CNTN1: variants seen among roughly 807,000 people sequenced by gnomAD.
The protein encoded by CNTN1 is contactin 1.
CNTN1 carries 38 observed loss-of-function variants against 126.4 expected under a neutral mutation model. That is an observed-to-expected ratio of 0.30 (90% CI 0.23 to 0.39). CNTN1 has a LOEUF of 0.39. Among genes scored for constraint, CNTN1 ranks in the 10% least tolerant of loss-of-function variants. The pLI is 1.00. For missense variants in CNTN1, 1,009 were observed against 1,248.4 expected (o/e 0.81, Z 2.89); for synonymous variants, 413 against 422.6 (o/e 0.98, Z 0.28).
At chr12:40,844,069 A>ATTTTTTTTTTTTTTTTTTTTTTT (rs397957366) in intron 1 of CNTN1, among the ~76,000 whole-genome samples, 5,521 of 84,120 alleles carry the variant, frequency 0.066, 1,642 homozygotes, top group East Asian at 0.14. Context: ...TGGCACAATG[A>ATTTTTTTTTTTTTTTTTTTTTTT]TTTTTTTTTT....
intron 1 of CNTN1, among the ~76,000 whole-genome samples, chr12:40,855,745 G>A (rs569762228): frequency 3.3e-5 from 5 of 152,030 alleles, no homozygotes; most frequent in South Asian, 4.1e-4. Context: ...TGTAACAGAC[G>A]GGCTTTTAAA....
intron 1 of CNTN1, among the ~76,000 whole-genome samples, chr12:40,721,337 C>T (rs1458498003): frequency 1.3e-5 from 2 of 152,046 alleles, no homozygotes; most frequent in Non-Finnish European, 2.9e-5. Flanking sequence ...GCAGGACCAC[C>T]TCCTTTTTTT....
chr12:40,732,956 A>C (rs1298968666), intron 1 of CNTN1, among the ~76,000 whole-genome samples: 1 of 152,004 alleles, frequency 6.6e-6, no homozygotes, highest in Non-Finnish European at 1.5e-5. Context: ...TGCAAAAGTT[A>C]CAACTGCCTT....
At chr12:40,726,694 C>A (rs376122722) in intron 1 of CNTN1, among the ~76,000 whole-genome samples, 2 of 152,018 alleles carry the variant, frequency 1.3e-5, no homozygotes, top group South Asian at 2.1e-4. Flanking sequence ...TTCAACAATT[C>A]TTTTCTTTTT....
Position 40,943,921 on chromosome 12 carries a change from T to C in CNTN1, c.1508-74T>C, listed in dbSNP as rs1946347237. Reference sequence around the variant, plus strand: ...TTTGCACAAATAAAAATATATTGGTTATTATTTTAATATACCAGATAATAT... The same window carrying C: ...TTTGCACAAATAAAAATATATTGGTCATTATTTTAATATACCAGATAATAT... On this transcript the variant is annotated intron_variant, in intron 13 of 23. Coordinates refer to ENST00000551295, the MANE Select transcript of CNTN1 (RefSeq NM_001843.4). 2.9e-5 allele frequency: 41 copies of C among 1,428,568 alleles called. 2 individuals carry two copies. In the South Asian group the frequency reaches 5.1e-4, roughly 18 times the overall value. The allele number at this position is 1,428,568 out of a possible 1,614,324, so 88.5% of individuals were successfully genotyped here.
At chr12:40,948,720 ATT>A (rs1368091925) in intron 14 of CNTN1, among the ~76,000 whole-genome samples, 1 of 152,188 alleles carries the variant, frequency 6.6e-6, no homozygotes, top group African/African-American at 2.4e-5. Flanking sequence ...TCCCATAAGT[ATT>A]TGATGCTCTA....
rs188138389 is a variant in CNTN1 at position 41,070,280 on chromosome 12, C to G, written c.*245C>G. The G allele has an allele frequency of 4.0e-4, 213 of 535,086 alleles. No individual in the cohort carries two copies. The highest frequency in any genetic ancestry group is 4.1e-4 in the Non-Finnish European group (121 of 296,662). The allele number at this position is 535,086 out of a possible 1,614,324, so 33.1% of individuals were successfully genotyped here. A position where few individuals can be genotyped will look rare whatever the true frequency, so the allele number is the denominator to read the frequency against. On this transcript the variant is annotated 3_prime_UTR_variant, in exon 24 of 24. Coordinates refer to ENST00000551295, the MANE Select transcript of CNTN1 (RefSeq NM_001843.4). Reference sequence around the variant, plus strand: ...ACTCGTTCCAATATGCCTTATAAACCACTTAACCTGATTCTGTGACAGTTG... The same window carrying G: ...ACTCGTTCCAATATGCCTTATAAACGACTTAACCTGATTCTGTGACAGTTG...
In CNTN1 at chr12:40,944,890, C is replaced by A. The variant is rs185087489; in HGVS notation, c.1683+720C>A. On this transcript the variant is annotated intron_variant, in intron 14 of 23. Coordinates refer to ENST00000551295, the MANE Select transcript of CNTN1 (RefSeq NM_001843.4). ...TTTAGAAAAGCAAACATTTGTAAGA[C>A]TAAGGACATATTTAGAACATAGGCA... Among the ~76,000 whole-genome samples the A allele has an allele frequency of 2.2e-3, 335 of 152,022 alleles. 3 individuals are homozygous for A. Among genetic ancestry groups the A allele is most frequent in the Non-Finnish European group, 7.2e-4 (49 of 67,936 alleles).
intron 17 of CNTN1, among the ~76,000 whole-genome samples, chr12:41,010,440 G>T (rs1948617626): frequency 6.6e-6 from 1 of 152,152 alleles, no homozygotes; most frequent in Non-Finnish European, 1.5e-5. Flanking sequence ...TTGTATGTTT[G>T]CAGAGCAGCT....
intron 1 of CNTN1, among the ~76,000 whole-genome samples, chr12:40,757,749 A>C (rs1938668667): frequency 6.6e-6 from 1 of 152,156 alleles, no homozygotes; most frequent in Admixed American, 6.6e-5. Flanking sequence ...GGTGAGCATG[A>C]ATTGAAAATC....
rs977008901 is a variant in CNTN1, at chr12:40,846,692, T to G, written c.-76-61665T>G. ...AGTCTTTTTCTTTCTAATTTAAATTTTTGTTGTTGTTGCTGCTGAGGCAGA... is the reference window on the plus strand; with the variant it reads ...AGTCTTTTTCTTTCTAATTTAAATTGTTGTTGTTGTTGCTGCTGAGGCAGA... On this transcript the variant is annotated intron_variant, in intron 1 of 23. Transcript: ENST00000551295. Among the ~76,000 whole-genome samples the G allele has an allele frequency of 5.2e-5, 5 of 96,678 alleles. No individual in the cohort carries two copies. The East Asian group carries it at 2.0e-3, about 39-fold the overall frequency. The allele number at this position is 96,678 out of a possible 152,430, so 63.4% of individuals were successfully genotyped here.
intron 1 of CNTN1, among the ~76,000 whole-genome samples, chr12:40,875,471 T>C (rs1341097115): frequency 6.6e-6 from 1 of 152,078 alleles, no homozygotes; most frequent in Non-Finnish European, 1.5e-5. Context: ...ATTTTGTCAT[T>C]TCAGGAATGT....
intron 23 of CNTN1, among the ~76,000 whole-genome samples, chr12:41,029,836 C>G (rs1361849410): frequency 6.6e-6 from 1 of 151,854 alleles, no homozygotes; most frequent in Non-Finnish European, 1.5e-5. Context: ...TTATCTATTC[C>G]TTTTCTACAA....
At chr12:40,733,113 G>A (rs1409344748) in intron 1 of CNTN1, among the ~76,000 whole-genome samples, 1 of 151,938 alleles carries the variant, frequency 6.6e-6, no homozygotes, top group Non-Finnish European at 1.5e-5. Context: ...GGTAAACCAG[G>A]AGAGAATATT....
intron 1 of CNTN1, among the ~76,000 whole-genome samples, chr12:40,759,892 G>A (rs1424361702): frequency 6.6e-6 from 1 of 151,138 alleles, no homozygotes; most frequent in Non-Finnish European, 1.5e-5. Flanking sequence ...AGGAAGTCCT[G>A]TGATACTTTT....
At chr12:41,052,716 G>C (rs527267970) in intron 23 of CNTN1, among the ~76,000 whole-genome samples, 1 of 151,798 alleles carries the variant, frequency 6.6e-6, no homozygotes, top group Admixed American at 6.6e-5. Context: ...AATTTAACTA[G>C]CAAAAAAAGT....
chr12:40,718,893 A>C (rs1458283646), intron 1 of CNTN1, among the ~76,000 whole-genome samples: 1 of 152,062 alleles, frequency 6.6e-6, no homozygotes, highest in Non-Finnish European at 1.5e-5. Flanking sequence ...TCATATGATG[A>C]ATATCTGGGA....
At chr12:40,952,525 T>C (rs1946726858) in intron 14 of CNTN1, among the ~76,000 whole-genome samples, 1 of 151,990 alleles carries the variant, frequency 6.6e-6, no homozygotes, top group Non-Finnish European at 1.5e-5. Context: ...TTAATAGTAA[T>C]AGGAGCAGTT....
intron 1 of CNTN1, among the ~76,000 whole-genome samples, chr12:40,700,852 T>C (rs1335746105): frequency 6.6e-6 from 1 of 152,208 alleles, no homozygotes; most frequent in Admixed American, 6.5e-5. Flanking sequence ...GCACTCACTC[T>C]GTGTTGGGCA....
Sources: gnomAD v4.1 joint callset for allele counts (sites outside exome capture counted in the v4.1 genomes callset) on GRCh38, gnomAD v4.1.1 for gene constraint, MANE v1.5 for transcripts, NCBI Gene and HGNC (gene_info 2026-07-23, HGNC 2026-07-21) for gene names.